The following FOXP2 variants were observed in gnomAD, a reference collection of about 807,000 sequenced individuals.
FOXP2 encodes the protein forkhead box protein P2.
In FOXP2, 12 loss-of-function variants were observed where a neutral mutation model predicts 115.8. That is an observed-to-expected ratio of 0.10 (90% CI 0.07 to 0.17). FOXP2 has a LOEUF of 0.17. FOXP2 is among the 10% of genes least tolerant of loss of function. The pLI is 1.00. For missense variants in FOXP2, 629 were observed against 843.5 expected (o/e 0.75, Z 3.15); for synonymous variants, 328 against 297.7 (o/e 1.10, Z -1.05).
At chr7:114,553,505 C>A (rs1800309648) in intron 3 of FOXP2, among the ~76,000 whole-genome samples, 1 of 152,108 alleles carries the variant, frequency 6.6e-6, no homozygotes, top group Non-Finnish European at 1.5e-5. Context: ...TACATGCTCT[C>A]ATTAATTTTT....
chr7:114,506,517 C>T (rs1797826086), intron 2 of FOXP2, among the ~76,000 whole-genome samples: 1 of 151,644 alleles, frequency 6.6e-6, no homozygotes, highest in African/African-American at 2.4e-5. Context: ...TTGTATTAAT[C>T]ACTTTCATGT....
At chr7:114,651,818 C>T (rs929804497) in intron 8 of FOXP2, among the ~76,000 whole-genome samples, 2 of 152,100 alleles carry the variant, frequency 1.3e-5, no homozygotes, top group African/African-American at 2.4e-5. Context: ...ACAAACTGTT[C>T]TAACAATGAA....
At chr7:114,148,763 T>C (rs1792452156) in intron 1 of FOXP2, among the ~76,000 whole-genome samples, 1 of 152,208 alleles carries the variant, frequency 6.6e-6, no homozygotes, top group Non-Finnish European at 1.5e-5. Flanking sequence ...TTTTCCCTCT[T>C]ATGTTCCTTT....
At chr7:114,296,751 T>G (rs1032541876) in intron 2 of FOXP2, among the ~76,000 whole-genome samples, 10 of 152,160 alleles carry the variant, frequency 6.6e-5, no homozygotes, top group African/African-American at 2.2e-4. Context: ...TGAAGATCTC[T>G]TATATGATTG....
upstream of FOXP2, among the ~76,000 whole-genome samples, chr7:114,160,618 T>G (rs1040966619): frequency 2.0e-5 from 3 of 152,148 alleles, no homozygotes; most frequent in Non-Finnish European, 1.5e-5. Flanking sequence ...CAAATGAAAT[T>G]TTAATGTATT....
chr7:114,254,909 C>T (rs1363912007), intron 1 of FOXP2, among the ~76,000 whole-genome samples: 1 of 152,126 alleles, frequency 6.6e-6, no homozygotes, highest in Non-Finnish European at 1.5e-5. Flanking sequence ...CTGTTTTTCC[C>T]CGTCTTTGTG....
intron 1 of FOXP2, among the ~76,000 whole-genome samples, chr7:114,266,480 C>G (rs934038166): frequency 5.9e-5 from 9 of 152,144 alleles, no homozygotes; most frequent in Non-Finnish European, 1.5e-5. Flanking sequence ...GAAGCAGGAG[C>G]AGGCATTTCA....
rs370399271 is a variant in FOXP2, at chr7:114,433,123, C to T, written c.168+6444C>T. Among the ~76,000 whole-genome samples, 22 of 151,920 alleles carry T rather than the reference C, an allele frequency of 1.4e-4. No individual in the cohort carries two copies. The East Asian group carries it at 1.7e-3, about 12-fold the overall frequency. Reference sequence around the variant, plus strand: ...TGGTGTTGTTTAGAAGCTAGGGTGACGTTTATAATACAACAGGTAAAAGAA... The same window carrying T: ...TGGTGTTGTTTAGAAGCTAGGGTGATGTTTATAATACAACAGGTAAAAGAA... On this transcript the variant is annotated intron_variant, in intron 2 of 16. Transcript: ENST00000350908.
chr7:114,203,700 A>T (rs1794131589), intron 1 of FOXP2, among the ~76,000 whole-genome samples: 1 of 152,112 alleles, frequency 6.6e-6, no homozygotes, highest in Admixed American at 6.6e-5. Flanking sequence ...TTACAAACTG[A>T]TATAGCTAGT....
At chr7:114,304,337 T>C (rs1245239392) in intron 2 of FOXP2, among the ~76,000 whole-genome samples, 1 of 151,882 alleles carries the variant, frequency 6.6e-6, no homozygotes, top group African/African-American at 2.4e-5. Context: ...AATGTGTTAA[T>C]AAAAAATTAT....
Position 114,437,072 on chromosome 7 carries a change from T to A in FOXP2, c.168+10393T>A, listed in dbSNP as rs923033311. Among the ~76,000 whole-genome samples the A allele has an allele frequency of 5.3e-5, 8 of 152,306 alleles. 1 individual carries two copies. The South Asian group carries it at 6.2e-4, about 12-fold the overall frequency. The stretch of plus-strand genomic sequence containing the variant: ...TCATTCTTTATTTACATTGCAGTGT[T>A]GTATGATCAGCCTTCAATTTATTGA... On this transcript the variant is annotated intron_variant, in intron 2 of 16. Transcript: ENST00000350908.
chr7:114,487,244 G>T (rs1796833464), intron 2 of FOXP2, among the ~76,000 whole-genome samples: 1 of 152,162 alleles, frequency 6.6e-6, no homozygotes, highest in Non-Finnish European at 1.5e-5. Flanking sequence ...AGCTGCCAAG[G>T]CTTGGGGCTT....
chr7:114,355,329 G>A (rs1791595036), intron 2 of FOXP2, among the ~76,000 whole-genome samples: 1 of 152,104 alleles, frequency 6.6e-6, no homozygotes, highest in Non-Finnish European at 1.5e-5. Context: ...TGATTTCCCT[G>A]TCCCATGGGG....
chr7:114,334,650 A>T (rs1265292700), intron 2 of FOXP2, among the ~76,000 whole-genome samples: 2 of 150,314 alleles, frequency 1.3e-5, no homozygotes, highest in African/African-American at 2.4e-5. Flanking sequence ...AGGAAAAAAA[A>T]CCCATAGAGA....
intron 2 of FOXP2, among the ~76,000 whole-genome samples, chr7:114,321,329 G>T (rs982665583): frequency 6.6e-6 from 1 of 151,850 alleles, no homozygotes; most frequent in African/African-American, 2.4e-5. Flanking sequence ...CTCTCGAGTA[G>T]CTGGGACTAC....
At chr7:114,608,950 G>A (rs1803480917) in intron 3 of FOXP2, among the ~76,000 whole-genome samples, 1 of 152,092 alleles carries the variant, frequency 6.6e-6, no homozygotes, top group Non-Finnish European at 1.5e-5. Flanking sequence ...TGTAATCCCA[G>A]CACTTTGGAA....
At position 114,689,878 on chromosome 7, in the gene FOXP2, A is replaced by T. The variant is rs147624408; in HGVS notation, c.2100A>T (p.Glu700Asp). 1.4e-4 allele frequency: 229 copies of T among 1,613,428 alleles called. No individual in the cohort carries two copies. Among genetic ancestry groups the T allele is most frequent in the Non-Finnish European group, 1.8e-4 (217 of 1,179,594 alleles). The change falls in exon 17 of 17, where the codon GAA becomes GAT. Residue 700 changes from glutamate to aspartate, a missense_variant. Glu to Asp is a conservative substitution (Grantham distance 45). Coordinates refer to ENST00000350908, the MANE Select transcript of FOXP2 (RefSeq NM_014491.4). The part of the protein sequence containing the change: ...VTTANHSPEL[E>D]DDREIEEEPL... ...CAGCTAATCACAGTCCAGAATTAGA[A>T]GACGACAGAGAGATTGAAGAAGAGC...
At chr7:114,276,444 T>C (rs1796191012) in intron 1 of FOXP2, among the ~76,000 whole-genome samples, 2 of 152,060 alleles carry the variant, frequency 1.3e-5, no homozygotes, top group South Asian at 4.1e-4. Context: ...GAATTACAGG[T>C]ATGAGCCACC....
At chr7:114,549,488 T>A (rs762686135) in intron 3 of FOXP2, among the ~76,000 whole-genome samples, 43 of 152,200 alleles carry the variant, frequency 2.8e-4, no homozygotes, top group Non-Finnish European at 5.0e-4. Context: ...TGCCCCATTC[T>A]GGAGGATGGA....
Sources: gnomAD v4.1 joint callset for allele counts (sites outside exome capture counted in the v4.1 genomes callset) on GRCh38, gnomAD v4.1.1 for gene constraint, MANE v1.5 for transcripts, NCBI Gene and HGNC (gene_info 2026-07-23, HGNC 2026-07-21) for gene names.